The following PRICKLE2 variants were observed in gnomAD, a reference collection of about 807,000 sequenced individuals.
The protein encoded by PRICKLE2 is prickle planar cell polarity protein 2.
PRICKLE2 carries 21 observed loss-of-function variants against 81.4 expected under a neutral mutation model. The ratio of observed to expected loss-of-function variants is 0.26; its 90% CI spans 0.18 to 0.37. PRICKLE2 has a LOEUF of 0.37. Among genes scored for constraint, PRICKLE2 ranks in the 10% least tolerant of loss-of-function variants. PRICKLE2 has a pLI of 1.00. For missense variants in PRICKLE2, 940 were observed against 1,109.0 expected (o/e 0.85, Z 2.16); for synonymous variants, 456 against 421.5 (o/e 1.08, Z -1.00).
rs886058790 is a variant in PRICKLE2, at chr3:64,097,087, G to C, written c.*1964C>G. On this transcript the variant is annotated 3_prime_UTR_variant, in exon 8 of 8. Transcript: ENST00000638394. ...AATAGAGTTAATTCTCCGGAGGCTC[G>C]GATAATTAATGAAGCATTTAGATAT... 1 of 152,416 alleles carries C rather than the reference G, an allele frequency of 6.6e-6. No individual in the cohort carries two copies. The highest frequency in any genetic ancestry group is 1.5e-5 in the Non-Finnish European group (1 of 68,010). The allele number at this position is 152,416 out of a possible 1,614,324, so 9.4% of individuals were successfully genotyped here.
At chr3:64,250,795 T>C (rs545850891) in intron 2 of PRICKLE2, among the ~76,000 whole-genome samples, 12 of 152,326 alleles carry the variant, frequency 7.9e-5, no homozygotes, top group Admixed American at 4.6e-4. Flanking sequence ...CTTTTCCAGA[T>C]TGGCATGGTC....
chr3:64,258,459 G>A (rs976877616), intron 2 of PRICKLE2, among the ~76,000 whole-genome samples: 3 of 152,120 alleles, frequency 2.0e-5, no homozygotes, highest in Admixed American at 1.3e-4. Flanking sequence ...AAGGCAGCCA[G>A]GTATGCAAGA....
At chr3:64,101,670 C>A (rs975383378) in intron 7 of PRICKLE2, 2 of 152,176 alleles carry the variant, frequency 1.3e-5, no homozygotes, top group African/African-American at 2.4e-5. Flanking sequence ...AGAGAGGGCT[C>A]TATGTATAGT....
intron 2 of PRICKLE2, among the ~76,000 whole-genome samples, chr3:64,249,651 AC>A (rs774260636): frequency 9.9e-5 from 15 of 152,144 alleles, no homozygotes; most frequent in Non-Finnish European, 1.9e-4. Context: ...TTTTCCTTGA[AC>A]CCTACTGGTC....
chr3:64,127,449 G>A (rs2077125961), intron 7 of PRICKLE2, among the ~76,000 whole-genome samples: 1 of 152,140 alleles, frequency 6.6e-6, no homozygotes, highest in South Asian at 2.1e-4. Context: ...GCAAGGCATG[G>A]TGCTGGGCAA....
In PRICKLE2 at chr3:64,160,601, G is replaced by A. The variant is rs375429253; in HGVS notation, c.259-524C>T. ...AACAGGGAAACAAAGGTGTGAGCCT[G>A]AGGAGTTGGACCAGGCATCTGTGAT... On this transcript the variant is annotated intron_variant, in intron 3 of 7. Coordinates refer to ENST00000638394, the MANE Select transcript of PRICKLE2 (RefSeq NM_198859.4). 2.0e-5 allele frequency among the ~76,000 whole-genome samples: 3 copies of A among 152,210 alleles called. No individual in the cohort carries two copies. The East Asian group carries it at 5.8e-4, about 29-fold the overall frequency.
Position 64,097,288 on chromosome 3 carries a change from C to T in PRICKLE2, c.*1763G>A, listed in dbSNP as rs26939. On this transcript the variant is annotated 3_prime_UTR_variant, in exon 8 of 8. Transcript: ENST00000638394. ...TTCCTTTCCTCAGACCCATCTGGGACGGGGTCTGAAATGCCACTTTTGACA... is the reference window on the plus strand; with the variant it reads ...TTCCTTTCCTCAGACCCATCTGGGATGGGGTCTGAAATGCCACTTTTGACA... 51,692 of 152,352 alleles carry T rather than the reference C, an allele frequency of 0.34. 9,277 individuals are homozygous for T. The highest frequency in any genetic ancestry group is 0.48 in the South Asian group (2,290 of 4,814). The allele number at this position is 152,352 out of a possible 1,614,324, so 9.4% of individuals were successfully genotyped here.
rs545066618 is a variant in PRICKLE2, at chr3:64,096,964, A to C, written c.*2087T>G. The C allele has an allele frequency of 6.5e-6, 1 of 152,750 alleles. No individual in the cohort carries two copies. The highest frequency in any genetic ancestry group is 6.5e-5 in the Admixed American group (1 of 15,302). The allele number at this position is 152,750 out of a possible 1,614,324, so 9.5% of individuals were successfully genotyped here. A position where few individuals can be genotyped will look rare whatever the true frequency, so the allele number is the denominator to read the frequency against. ...ACTTAAAACTCCAAATTGGACTCGC[A>C]CAATTTCTACCAGAAACCTGCCACT... On this transcript the variant is annotated 3_prime_UTR_variant, in exon 8 of 8. Coordinates refer to ENST00000638394, the MANE Select transcript of PRICKLE2 (RefSeq NM_198859.4).
At position 64,093,488 on chromosome 3, in the gene PRICKLE2, C is replaced by T. The variant is rs1228926177; in HGVS notation, c.*5563G>A. ...ATTTTACATTCCCACCAACAGTGTACAAGTGTTCCAATTGCTCCACATCCT... is the reference window on the plus strand; with the variant it reads ...ATTTTACATTCCCACCAACAGTGTATAAGTGTTCCAATTGCTCCACATCCT... On this transcript the variant is annotated 3_prime_UTR_variant, in exon 8 of 8. Transcript: ENST00000638394. 2 of 152,194 alleles carry T rather than the reference C, an allele frequency of 1.3e-5. No homozygotes were observed. Among genetic ancestry groups the T allele is most frequent in the African/African-American group, 4.8e-5 (2 of 41,440 alleles). The allele number at this position is 152,194 out of a possible 1,614,324, so 9.4% of individuals were successfully genotyped here. A position where few individuals can be genotyped will look rare whatever the true frequency, so the allele number is the denominator to read the frequency against.
intron 7 of PRICKLE2, among the ~76,000 whole-genome samples, chr3:64,131,677 A>G (rs1397822741): frequency 6.6e-6 from 1 of 152,244 alleles, no homozygotes; most frequent in Non-Finnish European, 1.5e-5. Context: ...GAAAGGAAAA[A>G]TAAGCTATAG....
chr3:64,193,254 G>A (rs1173324135), intron 2 of PRICKLE2, among the ~76,000 whole-genome samples: 1 of 152,094 alleles, frequency 6.6e-6, no homozygotes, highest in Non-Finnish European at 1.5e-5. Flanking sequence ...ATGGTATCTT[G>A]GCATTTGAGA....
At chr3:64,185,921 T>G (rs964291342) in intron 2 of PRICKLE2, among the ~76,000 whole-genome samples, 49 of 152,250 alleles carry the variant, frequency 3.2e-4, no homozygotes, top group African/African-American at 1.2e-3. Context: ...TCAATCCTTT[T>G]GTCGTTCCTC....
chr3:64,176,928 G>A lies in PRICKLE2; in HGVS notation c.145-13799C>T, dbSNP rs141032415. On this transcript the variant is annotated intron_variant, in intron 2 of 7. Transcript: ENST00000638394. ...TCTTGGCCTGCGGGTTATAGTTTGCGTATAGCCATAAAACCCTAAAGGGCC... is the reference window on the plus strand; with the variant it reads ...TCTTGGCCTGCGGGTTATAGTTTGCATATAGCCATAAAACCCTAAAGGGCC... Among the ~76,000 whole-genome samples, 419 of 152,098 alleles carry A rather than the reference G, an allele frequency of 2.8e-3. 1 individual carries two copies. Among genetic ancestry groups the A allele is most frequent in the African/African-American group, 6.9e-3 (286 of 41,498 alleles).
At chr3:64,244,975 C>T (rs1280057306) in intron 2 of PRICKLE2, among the ~76,000 whole-genome samples, 1 of 152,058 alleles carries the variant, frequency 6.6e-6, no homozygotes, top group African/African-American at 2.4e-5. Flanking sequence ...TTTTTTCAAT[C>T]ATAGATGCCT....
chr3:64,224,054 C>A (rs527969289), intron 1 of PRICKLE2, among the ~76,000 whole-genome samples: 7 of 152,332 alleles, frequency 4.6e-5, no homozygotes, highest in Non-Finnish European at 7.3e-5. Context: ...GGAAGCAGAA[C>A]TCTCTCACTG....
chr3:64,204,188 T>C (rs1242549666), intron 1 of PRICKLE2, among the ~76,000 whole-genome samples: 1 of 151,866 alleles, frequency 6.6e-6, no homozygotes, highest in African/African-American at 2.4e-5. Context: ...AATCACAAAG[T>C]ATGTTAAAGG....
intron 1 of PRICKLE2, among the ~76,000 whole-genome samples, chr3:64,222,300 A>T (rs1341263234): frequency 6.6e-6 from 1 of 152,122 alleles, no homozygotes; most frequent in African/African-American, 2.4e-5. Flanking sequence ...GCAAAACACA[A>T]CTCTACTAAA....
At chr3:64,202,510 C>T (rs6778755) in intron 1 of PRICKLE2, among the ~76,000 whole-genome samples, 3,764 of 152,188 alleles carry the variant, frequency 0.025, 168 homozygotes, top group African/African-American at 0.085. Context: ...TTTGATGCTA[C>T]TGTAATTAGA....
At chr3:64,106,247 C>T (rs964640829) in intron 7 of PRICKLE2, among the ~76,000 whole-genome samples, 2 of 152,184 alleles carry the variant, frequency 1.3e-5, no homozygotes, top group African/African-American at 4.8e-5. Flanking sequence ...GGGGCAGAGA[C>T]ATGAAGAAAA....
Sources: allele counts gnomAD v4.1 joint callset (sites outside exome capture counted in the v4.1 genomes callset), GRCh38; gene constraint gnomAD v4.1.1; transcripts MANE v1.5; gene names NCBI Gene and HGNC (gene_info 2026-07-23, HGNC 2026-07-21).